LMBR1: variants seen among roughly 807,000 people sequenced by gnomAD.
The protein encoded by LMBR1 is limb development membrane protein 1.
A neutral mutation model predicts 73.9 loss-of-function variants in LMBR1; 52 were observed. The ratio of observed to expected loss-of-function variants is 0.70; its 90% CI spans 0.56 to 0.89. The LOEUF is 0.89. Among genes scored for constraint, LMBR1 ranks in the 40% least tolerant of loss-of-function variants. The probability of loss-of-function intolerance (pLI) is 0.00; values close to 1 mark genes in which losing one functional copy is unlikely to be tolerated. For missense variants in LMBR1, 539 were observed against 579.8 expected, an observed-to-expected ratio of 0.93 and a Z score of 0.72; for synonymous variants, 215 against 209.4, an observed-to-expected ratio of 1.03 and a Z score of -0.23.
chr7:156,675,675 C>T, downstream of LMBR1: 1 of 1,589,410 alleles, frequency 6.3e-7, no homozygotes, highest in Non-Finnish European at 8.6e-7. Flanking sequence ...GTGAGCTTAC[C>T]CGCCCCCGCC....
At chr7:156,687,331 C>T (rs1806191474) in intron 16 of LMBR1, among the ~76,000 whole-genome samples, 2 of 152,098 alleles carry the variant, frequency 1.3e-5, no homozygotes, top group Non-Finnish European at 2.9e-5. Flanking sequence ...AAATTACAAC[C>T]CCCTCCCACC....
rs755681442 is a variant in LMBR1 at position 156,836,786 on chromosome 7, G to C, written c.139+27C>G. 1.4e-5 allele frequency: 21 copies of C among 1,451,956 alleles called. No homozygotes were observed. In the African/African-American group the frequency reaches 3.0e-4, roughly 21 times the overall value. 89.9% of individuals were successfully genotyped at this position (1,451,956 alleles called of 1,614,324 possible). A position where few individuals can be genotyped will look rare whatever the true frequency, so the allele number is the denominator to read the frequency against. The stretch of plus-strand genomic sequence containing the variant: ...CTAGACCATGTGGCATTCTAACAAA[G>C]GTTTTAATTGACATGTTTCCACTTG... On this transcript the variant is annotated intron_variant, in intron 2 of 16. Coordinates refer to ENST00000353442, the MANE Select transcript of LMBR1 (RefSeq NM_022458.4).
chr7:156,887,022 G>T (rs892561376), intron 1 of LMBR1, among the ~76,000 whole-genome samples: 2 of 152,098 alleles, frequency 1.3e-5, no homozygotes, highest in African/African-American at 4.8e-5. Flanking sequence ...GCAGCCTTAG[G>T]ATTTCATAGC....
chr7:156,861,114 G>A (rs751975442), intron 1 of LMBR1, among the ~76,000 whole-genome samples: 1 of 152,234 alleles, frequency 6.6e-6, no homozygotes, highest in Non-Finnish European at 1.5e-5. Flanking sequence ...CTGCCCTAGC[G>A]GAGGTTCTCC....
At chr7:156,845,686 G>GTCAC (rs1395899982) in intron 1 of LMBR1, among the ~76,000 whole-genome samples, 1 of 151,856 alleles carries the variant, frequency 6.6e-6, no homozygotes, top group African/African-American at 2.4e-5. Flanking sequence ...GTTTTGCTCT[G>GTCAC]TCACCTAGGC....
At chr7:156,742,190 A>T (rs1057332552) in intron 9 of LMBR1, among the ~76,000 whole-genome samples, 1 of 152,094 alleles carries the variant, frequency 6.6e-6, no homozygotes, top group Non-Finnish European at 1.5e-5. Context: ...TATATAAAAA[A>T]AGAGAAAAAA....
rs1395435391 is a variant in LMBR1, at chr7:156,684,014, AC to A, written c.*63del. The A allele has an allele frequency of 3.5e-5, 46 of 1,305,488 alleles. No individual in the cohort carries two copies. Among genetic ancestry groups the A allele is most frequent in the Non-Finnish European group, 5.0e-5 (45 of 903,096 alleles). 80.9% of individuals were successfully genotyped at this position (1,305,488 alleles called of 1,614,324 possible). On this transcript the variant is annotated 3_prime_UTR_variant, in exon 17 of 17. Coordinates refer to ENST00000353442, the MANE Select transcript of LMBR1 (RefSeq NM_022458.4). Reference sequence around the variant, plus strand: ...TTGAATGGAAATGCTTCTACATGGGACAGGAATGTCGTGAATCTGGAGTTCT... The same window carrying A: ...TTGAATGGAAATGCTTCTACATGGGAAGGAATGTCGTGAATCTGGAGTTCT...
chr7:156,743,882 AC>A (rs1182724981), intron 9 of LMBR1, among the ~76,000 whole-genome samples: 2 of 152,148 alleles, frequency 1.3e-5, no homozygotes, highest in Admixed American at 1.3e-4. Context: ...ACTGCTGCCC[AC>A]CCATGCCCCC....
At chr7:156,764,992 T>C (rs1318093424) in intron 5 of LMBR1, among the ~76,000 whole-genome samples, 1 of 152,228 alleles carries the variant, frequency 6.6e-6, no homozygotes, top group East Asian at 1.9e-4. Flanking sequence ...TCACCTTAAG[T>C]GTTCATAGCA....
chr7:156,856,374 A>G (rs1196418006), intron 1 of LMBR1, among the ~76,000 whole-genome samples: 1 of 152,104 alleles, frequency 6.6e-6, no homozygotes, highest in South Asian at 2.1e-4. Flanking sequence ...AGATCTTCAT[A>G]AAAGAACATG....
rs372690159 is a variant in LMBR1, at chr7:156,765,939, C to A, written c.424-2144G>T. ...CTTGGAACCATTTAAAACCCACTGT[C>A]CAAAAGAAGTTGTCATTGTAATGTT... On this transcript the variant is annotated intron_variant, in intron 5 of 16. Coordinates refer to ENST00000353442, the MANE Select transcript of LMBR1 (RefSeq NM_022458.4). Among the ~76,000 whole-genome samples, 5 of 152,134 alleles carry A rather than the reference C, an allele frequency of 3.3e-5. No homozygotes were observed. The South Asian group carries it at 8.3e-4, about 25-fold the overall frequency.
chr7:156,774,978 C>T (rs1448345564), intron 5 of LMBR1, among the ~76,000 whole-genome samples: 3 of 152,042 alleles, frequency 2.0e-5, no homozygotes, highest in Non-Finnish European at 4.4e-5. Context: ...TATACATGGA[C>T]GAAAAGAAGG....
chr7:156,766,329 G>A (rs972996241), intron 5 of LMBR1, among the ~76,000 whole-genome samples: 5 of 152,084 alleles, frequency 3.3e-5, no homozygotes, highest in Admixed American at 1.3e-4. Context: ...CTTGCAGCCC[G>A]ATATAAATAT....
chr7:156,690,092 T>A (rs944479459), intron 15 of LMBR1, among the ~76,000 whole-genome samples: 13 of 152,162 alleles, frequency 8.5e-5, no homozygotes, highest in African/African-American at 3.1e-4. Context: ...ACACGGGAGA[T>A]CCCAGAATCA....
intron 1 of LMBR1, among the ~76,000 whole-genome samples, chr7:156,881,483 A>C (rs1298511638): frequency 6.6e-6 from 1 of 152,254 alleles, no homozygotes; most frequent in Non-Finnish European, 1.5e-5. Flanking sequence ...AAAATATGTA[A>C]GTGGGAATAC....
In LMBR1 at chr7:156,870,100, C is replaced by T. The variant is rs138416753; in HGVS notation, c.66+22828G>A. Among the ~76,000 whole-genome samples the T allele has an allele frequency of 7.1e-3, 1,075 of 152,176 alleles. 7 individuals are homozygous for T. Among genetic ancestry groups the T allele is most frequent in the African/African-American group, 0.024 (1,007 of 41,516 alleles). ...TGACAGAACTAAAGGGAGAAATAAA[C>T]GGTAGAATAACGATTGGAGACTTCA... is the stretch of plus-strand genomic sequence containing the variant. On this transcript the variant is annotated intron_variant, in intron 1 of 16. Coordinates refer to ENST00000353442, the MANE Select transcript of LMBR1 (RefSeq NM_022458.4).
chr7:156,736,681 T>C lies in LMBR1; in HGVS notation c.758-2424A>G, dbSNP rs181489298. ...CTTCACTCCTCCCTTTCTCTCAATA[T>C]GGCCATAATGCTCATTTTAGCTAGA... is the stretch of plus-strand genomic sequence containing the variant. On this transcript the variant is annotated intron_variant, in intron 9 of 16. Transcript: ENST00000353442. 3 of 441,060 alleles carry C rather than the reference T, an allele frequency of 6.8e-6. No individual in the cohort carries two copies. In the East Asian group the frequency reaches 2.1e-4, roughly 31 times the overall value. The allele number at this position is 441,060 out of a possible 1,614,324, so 27.3% of individuals were successfully genotyped here. A position where few individuals can be genotyped will look rare whatever the true frequency, so the allele number is the denominator to read the frequency against.
chr7:156,812,511 G>A (rs1322820588), intron 4 of LMBR1, among the ~76,000 whole-genome samples: 1 of 152,114 alleles, frequency 6.6e-6, no homozygotes, highest in African/African-American at 2.4e-5. Context: ...GCTAGCACCT[G>A]GCTGAGAGGT....
At chr7:156,847,648 C>G (rs2110486) in intron 1 of LMBR1, among the ~76,000 whole-genome samples, 1 of 150,624 alleles carries the variant, frequency 6.6e-6, no homozygotes, top group African/African-American at 2.4e-5. Context: ...AGTGAAGATA[C>G]GCAGATAGCA....
Sources: gnomAD v4.1 joint callset for allele counts (sites outside exome capture counted in the v4.1 genomes callset) on GRCh38, gnomAD v4.1.1 for gene constraint, MANE v1.5 for transcripts, NCBI Gene and HGNC (gene_info 2026-07-23, HGNC 2026-07-21) for gene names.